Variants in SCNN1G observed in about 807,000 individuals in gnomAD.
SCNN1G encodes the protein sodium channel epithelial 1 subunit gamma.
Under a neutral mutation model 64.6 loss-of-function variants are expected in SCNN1G, and 27 were observed. The ratio of observed to expected loss-of-function variants is 0.42; its 90% CI spans 0.31 to 0.58. SCNN1G has a LOEUF of 0.58. SCNN1G is among the 20% of genes least tolerant of loss of function. SCNN1G has a pLI of 0.18. For missense variants in SCNN1G, 743 were observed against 823.4 expected (o/e 0.90, Z 1.19); for synonymous variants, 330 against 314.2 (o/e 1.05, Z -0.53).
intron 11 of SCNN1G, 69 bp downstream of exon 11, chr16:23,213,232 T>A: frequency 9.1e-7 from 1 of 1,100,126 alleles, no homozygotes; most frequent in Non-Finnish European, 1.4e-6. Flanking sequence ...CTTGCTTCTG[T>A]ATGTGTATGG....
intron 1 of SCNN1G, among the ~76,000 whole-genome samples, chr16:23,183,407 C>T (rs1458002692): frequency 6.6e-6 from 1 of 152,152 alleles, no homozygotes; most frequent in Non-Finnish European, 1.5e-5. Context: ...ACTCGCCCTT[C>T]GGGACGGGCA....
chr16:23,185,674 G>A (rs900051832), intron 1 of SCNN1G, among the ~76,000 whole-genome samples: 2 of 152,190 alleles, frequency 1.3e-5, no homozygotes, highest in Admixed American at 6.5e-5. Context: ...AGAAAAGGCT[G>A]GGGAAAATGC....
chr16:23,186,086 C>A, intron 1 of SCNN1G, 142 bp from the exon 2 acceptor site: 2 of 642,868 alleles, frequency 3.1e-6, no homozygotes, highest in Non-Finnish European at 5.6e-6. Context: ...ATTCAGAATG[C>A]AAAGTGCCTA....
chr16:23,215,638 C>G lies in SCNN1G; in HGVS notation c.*169C>G. 1.4e-6 allele frequency: 1 copy of G among 710,202 alleles called. No homozygotes were observed. Among genetic ancestry groups the G allele is most frequent in the Non-Finnish European group, 2.4e-6 (1 of 414,924 alleles). The allele number at this position is 710,202 out of a possible 1,614,324, so 44.0% of individuals were successfully genotyped here. On this transcript the variant is annotated 3_prime_UTR_variant, in exon 13 of 13. Coordinates refer to ENST00000300061, the MANE Select transcript of SCNN1G (RefSeq NM_001039.4). The stretch of plus-strand genomic sequence containing the variant: ...CCGCAAGATGGGGCCTGGGCATGCG[C>G]AGGAGGAGCCATCGGGTACTACGCA...
chr16:23,207,275 GAGTATT>G (rs369451202), intron 6 of SCNN1G, among the ~76,000 whole-genome samples: 2 of 152,352 alleles, frequency 1.3e-5, no homozygotes, highest in Non-Finnish European at 2.9e-5. Context: ...CTGGATGCCA[GAGTATT>G]ATGCTTTCCT....
At position 23,189,684 on chromosome 16, in the gene SCNN1G, C is replaced by A; in HGVS notation, c.618+13C>A. On this transcript the variant is annotated intron_variant, in intron 3 of 12. Transcript: ENST00000300061. The stretch of plus-strand genomic sequence containing the variant: ...GGGATTCCAACTGGTAAGATTTCAC[C>A]TTCTCATTCTTTCACTGCTTAGGGG... The A allele has an allele frequency of 1.2e-6, 2 of 1,613,152 alleles. No individual in the cohort carries two copies. Among genetic ancestry groups the A allele is most frequent in the Non-Finnish European group, 1.7e-6 (2 of 1,179,138 alleles).
intron 11 of SCNN1G, among the ~76,000 whole-genome samples, chr16:23,213,596 G>A (rs920534157): frequency 6.6e-6 from 1 of 152,090 alleles, no homozygotes; most frequent in Non-Finnish European, 1.5e-5. Flanking sequence ...CTCAAAGCTG[G>A]GAGACGGTGA....
rs913351146 is a variant in SCNN1G at position 23,189,515 on chromosome 16, C to A, written c.462C>A (p.Phe154Leu). The A allele has an allele frequency of 1.9e-6, 3 of 1,614,124 alleles. No individual in the cohort carries two copies. Among genetic ancestry groups the A allele is most frequent in the Non-Finnish European group, 2.5e-6 (3 of 1,180,054 alleles). ...TCTCAGAGGGAAAGCAGCCTAGATT[C>A]TCCCACCGGATTCCGCTGCTGATCT... ...NSVSEGKQPR[F>L]SHRIPLLIFD... Residue 154 changes from phenylalanine (F) to leucine (L), a missense_variant, in exon 3 of 13, where the codon TTC (phenylalanine) becomes TTA (leucine). Physicochemically the swap from Phe to Leu is conservative, Grantham distance 22. Coordinates refer to ENST00000300061, the MANE Select transcript of SCNN1G (RefSeq NM_001039.4).
chr16:23,203,856 T>G (rs1285086080), intron 6 of SCNN1G, among the ~76,000 whole-genome samples: 1 of 151,102 alleles, frequency 6.6e-6, no homozygotes, highest in Non-Finnish European at 1.5e-5. Context: ...GTATAATCTC[T>G]GCCTCAGTGA....
intron 2 of SCNN1G, among the ~76,000 whole-genome samples, chr16:23,188,016 CCTT>C (rs982142995): frequency 6.6e-6 from 1 of 152,146 alleles, no homozygotes; most frequent in African/African-American, 2.4e-5. Context: ...CTCCCTCCCT[CCTT>C]CTCTCTCTCT....
chr16:23,206,896 G>A (rs979947086), intron 6 of SCNN1G, among the ~76,000 whole-genome samples: 3 of 152,084 alleles, frequency 2.0e-5, no homozygotes, highest in Admixed American at 6.6e-5. Flanking sequence ...TGTGTCCCTA[G>A]GGGTCAGGAT....
intron 1 of SCNN1G, among the ~76,000 whole-genome samples, chr16:23,183,221 A>G (rs1010166989): frequency 1.3e-5 from 2 of 152,226 alleles, no homozygotes; most frequent in African/African-American, 2.4e-5. Flanking sequence ...AAACACTTGA[A>G]GTGGGCTGGT....
intron 7 of SCNN1G, 59 bp downstream of exon 7, chr16:23,209,907 G>C (rs1960052459): frequency 1.6e-6 from 2 of 1,234,966 alleles, no homozygotes; most frequent in African/African-American, 1.5e-5. Context: ...AGGAGACAAA[G>C]TTATATCTAA....
chr16:23,209,708 C>T (rs567114830), intron 6 of SCNN1G, 42 bp from the exon 7 acceptor site: 85 of 1,484,938 alleles, frequency 5.7e-5, no homozygotes, highest in African/African-American at 6.9e-5. Flanking sequence ...CGCCTGGGTC[C>T]GGGGGGAGGA....
chr16:23,206,335 G>A (rs1959989622), intron 6 of SCNN1G, among the ~76,000 whole-genome samples: 1 of 152,182 alleles, frequency 6.6e-6, no homozygotes, highest in Admixed American at 6.5e-5. Context: ...AAGAAGGTGG[G>A]AGCTGGCTCT....
intron 4 of SCNN1G, among the ~76,000 whole-genome samples, chr16:23,193,069 CAAAAAA>C (rs56318076): frequency 5.8e-5 from 4 of 69,128 alleles, no homozygotes; most frequent in East Asian, 4.8e-4. Context: ...ACTCTTGTCT[CAAAAAA>C]AAAAAAAAAA....
intron 1 of SCNN1G, among the ~76,000 whole-genome samples, chr16:23,184,780 A>G (rs1157308164): frequency 6.6e-6 from 1 of 152,158 alleles, no homozygotes; most frequent in Non-Finnish European, 1.5e-5. Flanking sequence ...GGTTCCGAAT[A>G]CTGCCTAAAA....
chr16:23,183,528 C>G (rs1003382700), intron 1 of SCNN1G, among the ~76,000 whole-genome samples: 1 of 152,062 alleles, frequency 6.6e-6, no homozygotes, highest in Non-Finnish European at 1.5e-5. Context: ...CAGGCAAAGT[C>G]GGTGGTAGGT....
chr16:23,197,252 T>C lies in SCNN1G; in HGVS notation c.914-12T>C. 2.4e-5 allele frequency: 39 copies of C among 1,612,478 alleles called. No individual in the cohort carries two copies. The highest frequency in any genetic ancestry group is 3.3e-5 in the Non-Finnish European group (39 of 1,179,254). On this transcript the variant is annotated splice_polypyrimidine_tract_variant and intron_variant, in intron 5 of 12. Transcript: ENST00000300061. The stretch of plus-strand genomic sequence containing the variant: ...TAGCCTTGGATCACAGCAGGTTGTC[T>C]TATCCTCCCAGGGCTGCAAGTCATT...
Sources: allele counts gnomAD v4.1 joint callset (sites outside exome capture counted in the v4.1 genomes callset), GRCh38; gene constraint gnomAD v4.1.1; transcripts MANE v1.5; gene names NCBI Gene and HGNC (gene_info 2026-07-23, HGNC 2026-07-21).